The following CTTNBP2 variants were observed in gnomAD, a reference collection of about 807,000 sequenced individuals.
CTTNBP2 encodes the protein cortactin-binding protein 2.
In CTTNBP2, 108 loss-of-function variants were observed where a neutral mutation model predicts 156.9. The ratio of observed to expected loss-of-function variants is 0.69; its 90% CI spans 0.59 to 0.81. The LOEUF (loss-of-function observed/expected upper bound fraction) is 0.81. Ranked by LOEUF, CTTNBP2 falls within the 30% of genes least tolerant of loss-of-function variation. The pLI is 0.00. For missense variants in CTTNBP2, 1,924 were observed against 2,035.4 expected (o/e 0.95, Z 1.05); for synonymous variants, 767 against 751.8 (o/e 1.02, Z -0.33).
At chr7:117,722,508 A>G (rs1794858051) in intron 19 of CTTNBP2, among the ~76,000 whole-genome samples, 1 of 152,202 alleles carries the variant, frequency 6.6e-6, no homozygotes, top group African/African-American at 2.4e-5. Context: ...AACATTTGAT[A>G]TCAAATAGTT....
chr7:117,718,615 A>C (rs138484564), intron 21 of CTTNBP2, among the ~76,000 whole-genome samples: 188 of 152,338 alleles, frequency 1.2e-3, no homozygotes, highest in African/African-American at 4.1e-3. Flanking sequence ...TGCTGCAGAT[A>C]CTAGAGTGCC....
chr7:117,762,527 CCTT>C (rs753723445), intron 9 of CTTNBP2, among the ~76,000 whole-genome samples: 41 of 152,158 alleles, frequency 2.7e-4, no homozygotes, highest in Non-Finnish European at 5.3e-4. Context: ...GAACCCAAGT[CCTT>C]CTCATTACCT....
At chr7:117,763,555 CTTTTTTTTT>C (rs767309488) in intron 9 of CTTNBP2, among the ~76,000 whole-genome samples, 21 of 103,438 alleles carry the variant, frequency 2.0e-4, no homozygotes, top group Middle Eastern at 5.3e-3. Flanking sequence ...TCTTCTTCTT[CTTTTTTTTT>C]TTTTTTTTTT....
intron 2 of CTTNBP2, among the ~76,000 whole-genome samples, chr7:117,818,865 GA>G (rs1372521574): frequency 2.0e-5 from 3 of 152,108 alleles, no homozygotes; most frequent in Non-Finnish European, 4.4e-5. Flanking sequence ...ATATAATAAA[GA>G]ATTTTTAAGG....
intron 2 of CTTNBP2, among the ~76,000 whole-genome samples, chr7:117,819,390 C>A (rs1258501439): frequency 6.6e-6 from 1 of 151,474 alleles, no homozygotes; most frequent in Non-Finnish European, 1.5e-5. Context: ...CACACACACA[C>A]ACACACACAC....
At chr7:117,734,395 C>T (rs911669938) in intron 16 of CTTNBP2, among the ~76,000 whole-genome samples, 6 of 152,306 alleles carry the variant, frequency 3.9e-5, no homozygotes, top group African/African-American at 1.4e-4. Context: ...TCGATTTGGT[C>T]AGCTTTCAAT....
At chr7:117,715,050 T>C (rs918377093) in intron 22 of CTTNBP2, among the ~76,000 whole-genome samples, 4 of 152,172 alleles carry the variant, frequency 2.6e-5, no homozygotes, top group African/African-American at 9.7e-5. Flanking sequence ...CCTTAAAGAA[T>C]TGGTAAATCA....
chr7:117,793,009 G>A lies in CTTNBP2; in HGVS notation c.415-228C>T, dbSNP rs537659972. ...AAGACATCTAAATTACAACAATAGA[G>A]AATTTTTAAAGTCTATTGAAGTTAA... is the stretch of plus-strand genomic sequence containing the variant. On this transcript the variant is annotated intron_variant, in intron 3 of 22. Coordinates refer to ENST00000160373, the MANE Select transcript of CTTNBP2 (RefSeq NM_033427.3). Among the ~76,000 whole-genome samples, 4 of 152,214 alleles carry A rather than the reference G, an allele frequency of 2.6e-5. No homozygotes were observed. The East Asian group carries it at 7.7e-4, about 29-fold the overall frequency.
At chr7:117,781,385 AT>A (rs1299894120) in intron 6 of CTTNBP2, among the ~76,000 whole-genome samples, 1 of 152,192 alleles carries the variant, frequency 6.6e-6, no homozygotes, top group African/African-American at 2.4e-5. Context: ...GCAGTATCTG[AT>A]TTATACATTT....
intron 2 of CTTNBP2, among the ~76,000 whole-genome samples, chr7:117,818,573 C>A (rs533934260): frequency 6.6e-6 from 1 of 152,262 alleles, no homozygotes. Context: ...GGACACTGCC[C>A]CTCCTCCAAA....
In CTTNBP2 at chr7:117,835,646, T is replaced by C. The variant is rs34209819; in HGVS notation, c.190-24657A>G. ...CAGGGGCTGTCCAATTTGAGAATCA[T>C]TCTTTGCTCAATTGAATTGTTAAAT... On this transcript the variant is annotated intron_variant, in intron 2 of 22. Coordinates refer to ENST00000160373, the MANE Select transcript of CTTNBP2 (RefSeq NM_033427.3). 5.5e-4 allele frequency among the ~76,000 whole-genome samples: 84 copies of C among 152,386 alleles called. 1 individual carries two copies. Among genetic ancestry groups the C allele is most frequent in the Middle Eastern group, 3.4e-3 (1 of 294 alleles).
chr7:117,732,905 C>T (rs968366062), intron 16 of CTTNBP2, among the ~76,000 whole-genome samples: 2 of 152,082 alleles, frequency 1.3e-5, no homozygotes, highest in African/African-American at 4.8e-5. Flanking sequence ...TACAATTTTC[C>T]TTCTCTTCAA....
intron 6 of CTTNBP2, 60 bp downstream of exon 6, chr7:117,782,802 T>A (rs1798502237): frequency 2.5e-6 from 3 of 1,183,036 alleles, no homozygotes. Flanking sequence ...AAAATACGTG[T>A]GCAAATTATA....
intron 14 of CTTNBP2, among the ~76,000 whole-genome samples, chr7:117,743,423 G>A (rs1796124140): frequency 6.6e-6 from 1 of 152,120 alleles, no homozygotes; most frequent in Admixed American, 6.6e-5. Context: ...GACTGCTGGG[G>A]TTTGAGTTCC....
intron 3 of CTTNBP2, among the ~76,000 whole-genome samples, chr7:117,802,078 C>A (rs1156234984): frequency 8.2e-6 from 1 of 122,352 alleles, no homozygotes; most frequent in African/African-American, 3.2e-5. Context: ...CCACCACAGT[C>A]CCCAGAGTGT....
chr7:117,824,136 G>C (rs1202658785), intron 2 of CTTNBP2, among the ~76,000 whole-genome samples: 1 of 151,102 alleles, frequency 6.6e-6, no homozygotes, highest in Non-Finnish European at 1.5e-5. Context: ...GCAAGAGCAA[G>C]CCTGAGGTCA....
In CTTNBP2 at chr7:117,725,079, G is replaced by A. The variant is rs1795016991; in HGVS notation, c.4234C>T (p.Leu1412=). Residue 1412 remains leucine, a synonymous_variant, in exon 18 of 23, where the codon CTG becomes TTG. Coordinates refer to ENST00000160373, the MANE Select transcript of CTTNBP2 (RefSeq NM_033427.3). ...ALSILLNKAV[L]HGCPLPRAEL... ...GCTCTGGGGAGGGGACAGCCATGCA[G>A]TACAGCTTTATTTAGCAAGATGCTG... is the stretch of plus-strand genomic sequence containing the variant. 6.2e-7 allele frequency: 1 copy of A among 1,612,540 alleles called. No homozygotes were observed. The highest frequency in any genetic ancestry group is 1.1e-5 in the South Asian group (1 of 91,014).
intron 3 of CTTNBP2, among the ~76,000 whole-genome samples, chr7:117,794,682 C>T (rs571731948): frequency 1.8e-4 from 27 of 152,246 alleles, no homozygotes; most frequent in South Asian, 1.7e-3. Context: ...TGGGATGCTT[C>T]CTGCTTTGAC....
intron 3 of CTTNBP2, among the ~76,000 whole-genome samples, chr7:117,802,431 C>G (rs1358947568): frequency 2.7e-5 from 3 of 110,878 alleles, no homozygotes; most frequent in Non-Finnish European, 5.4e-5. Context: ...TAGACTTCAG[C>G]ATTGGCAAAA....
Sources: gnomAD v4.1 joint callset for allele counts (sites outside exome capture counted in the v4.1 genomes callset) on GRCh38, gnomAD v4.1.1 for gene constraint, MANE v1.5 for transcripts, NCBI Gene and HGNC (gene_info 2026-07-23, HGNC 2026-07-21) for gene names.